OR11G2: variants seen among roughly 807,000 people sequenced by gnomAD.
OR11G2 encodes the protein olfactory receptor family 11 subfamily G member 2.
A neutral mutation model predicts 0.9 loss-of-function variants in OR11G2; 2 were observed. That is an observed-to-expected ratio of 2.35 (90% CI 0.96 to 7.38). OR11G2 has a LOEUF of 7.38. Among genes scored for constraint, OR11G2 ranks in the 30% most tolerant of loss-of-function variants. The pLI is 0.05. For synonymous variants in OR11G2, 153 were observed against 142.0 expected, an observed-to-expected ratio of 1.08 and a Z score of -0.55; for missense variants, 395 against 371.3, an observed-to-expected ratio of 1.06 and a Z score of -0.52.
At chr14:20,194,249 T>C (rs1055122453) in intron 1 of OR11G2, among the ~76,000 whole-genome samples, 3 of 152,130 alleles carry the variant, frequency 2.0e-5, no homozygotes, top group Non-Finnish European at 4.4e-5. Context: ...GGCTGTGGCA[T>C]GGAAAACAAG....
Position 20,199,045 on chromosome 14 carries a change from T to A in OR11G2, c.*672T>A, listed in dbSNP as rs1265509862. The A allele has an allele frequency of 6.6e-6, 1 of 152,248 alleles. No homozygotes were observed. Among genetic ancestry groups the A allele is most frequent in the Admixed American group, 6.5e-5 (1 of 15,278 alleles). 9.4% of individuals were successfully genotyped at this position (152,248 alleles called of 1,614,324 possible). The stretch of plus-strand genomic sequence containing the variant: ...ATCTGTGCTCGTTTTAGTTTTACTC[T>A]TAGGGTGTGGCTCTTACTGCAGGAA... On this transcript the variant is annotated 3_prime_UTR_variant, in exon 2 of 2. Transcript: ENST00000641879.
Position 20,197,949 on chromosome 14 carries a change from C to T in OR11G2, c.512C>T (p.Ser171Phe), listed in dbSNP as rs775439549. Residue 171 changes from serine to phenylalanine, a missense_variant, in exon 2 of 2, where the codon TCC becomes TTC. Ser to Phe is a radical substitution (Grantham distance 155). Coordinates refer to ENST00000641879, the MANE Select transcript of OR11G2 (RefSeq NM_001386033.1). ...CCTATCGTCAACATCTCCCAAATGT[C>T]CTTCTGTGGATCTAGGATTATTGAC... ...LIPIVNISQMSFCGSRIIDHF... is the reference protein window; with the variant it reads ...LIPIVNISQMFFCGSRIIDHF... 3.3e-5 allele frequency: 53 copies of T among 1,613,986 alleles called. No individual in the cohort carries two copies. Among genetic ancestry groups the T allele is most frequent in the Non-Finnish European group, 4.3e-5 (51 of 1,180,016 alleles).
chr14:20,197,793 T>G lies in OR11G2; in HGVS notation c.356T>G (p.Leu119Arg). 1 of 1,614,094 alleles carries G rather than the reference T, an allele frequency of 6.2e-7. No homozygotes were observed. Among genetic ancestry groups the G allele is most frequent in the Non-Finnish European group, 8.5e-7 (1 of 1,179,978 alleles). Residue 119 changes from leucine to arginine, a missense_variant, in exon 2 of 2, where the codon CTG (leucine) becomes CGG (arginine). Physicochemically the swap from Leu to Arg is moderately radical, Grantham distance 102. Coordinates refer to ENST00000641879, the MANE Select transcript of OR11G2 (RefSeq NM_001386033.1). ...TTGGGCTCTACAGAATGCTTTTTCC[T>G]GGCAGTTATGGCATTTGATCGATAC... ...FSLGSTECFF[L>R]AVMAFDRYLA...
chr14:20,200,199 C>G lies in OR11G2; in HGVS notation c.*1826C>G, dbSNP rs769249355. On this transcript the variant is annotated 3_prime_UTR_variant, in exon 2 of 2. Coordinates refer to ENST00000641879, the MANE Select transcript of OR11G2 (RefSeq NM_001386033.1). Reference sequence around the variant, plus strand: ...AAGTTCCTATCCACCACCCTTTTAACTAGCCCAAGTTCCCTTTGCTTTGAA... The same window carrying G: ...AAGTTCCTATCCACCACCCTTTTAAGTAGCCCAAGTTCCCTTTGCTTTGAA... The G allele has an allele frequency of 6.9e-6, 1 of 144,420 alleles. No homozygotes were observed. The highest frequency in any genetic ancestry group is 1.5e-5 in the Non-Finnish European group (1 of 65,834). The allele number at this position is 144,420 out of a possible 1,614,324, so 8.9% of individuals were successfully genotyped here.
In OR11G2 at chr14:20,198,319, T is replaced by C; in HGVS notation, c.882T>C (p.Tyr294=). 1.0e-5 allele frequency: 16 copies of C among 1,601,792 alleles called. No homozygotes were observed. Among genetic ancestry groups the C allele is most frequent in the Non-Finnish European group, 1.4e-5 (16 of 1,176,596 alleles). The change falls in exon 2 of 2, where the codon TAT becomes TAC. Residue 294 remains tyrosine, a synonymous_variant. Coordinates refer to ENST00000641879, the MANE Select transcript of OR11G2 (RefSeq NM_001386033.1). Reference sequence around the variant, plus strand: ...CCCCACTGCTTAACCCTGTGATATATAGTCTTAGGAACAAAGATATGAGAA... The same window carrying C: ...CCCCACTGCTTAACCCTGTGATATACAGTCTTAGGAACAAAGATATGAGAA... ...VVTPLLNPVI[Y]SLRNKDMRKA...
chr14:20,200,792 T>C lies in OR11G2; in HGVS notation c.*2419T>C, dbSNP rs1471291713. On this transcript the variant is annotated 3_prime_UTR_variant, in exon 2 of 2. Coordinates refer to ENST00000641879, the MANE Select transcript of OR11G2 (RefSeq NM_001386033.1). Reference sequence around the variant, plus strand: ...AAATGAGCTATGGTGAGTTATACCATGGAATATTATGTCTTCAATTTATAA... The same window carrying C: ...AAATGAGCTATGGTGAGTTATACCACGGAATATTATGTCTTCAATTTATAA... The C allele has an allele frequency of 2.0e-5, 3 of 152,244 alleles. No homozygotes were observed. The highest frequency in any genetic ancestry group is 7.2e-5 in the African/African-American group (3 of 41,470). The allele number at this position is 152,244 out of a possible 1,614,324, so 9.4% of individuals were successfully genotyped here.
intron 1 of OR11G2, among the ~76,000 whole-genome samples, chr14:20,196,335 G>A (rs370459284): frequency 1.4e-4 from 21 of 152,296 alleles, no homozygotes; most frequent in African/African-American, 4.8e-4. Flanking sequence ...AAAACTTCCT[G>A]GGTCCCTGTG....
At chr14:20,193,951 G>A (rs1449129669) in intron 1 of OR11G2, among the ~76,000 whole-genome samples, 5 of 152,138 alleles carry the variant, frequency 3.3e-5, no homozygotes, top group African/African-American at 1.2e-4. Flanking sequence ...CCCTCTGCTT[G>A]CGAGTGTTTT....
In OR11G2 at chr14:20,197,412, C is replaced by T. The variant is rs763281429; in HGVS notation, c.-4-22C>T. 18 of 1,611,986 alleles carry T rather than the reference C, an allele frequency of 1.1e-5. No individual in the cohort carries two copies. The South Asian group carries it at 1.9e-4, about 17-fold the overall frequency. On this transcript the variant is annotated intron_variant, in intron 1 of 1. Coordinates refer to ENST00000641879, the MANE Select transcript of OR11G2 (RefSeq NM_001386033.1). ...TGTTTGCACCGTCATTCAGTAATTG[C>T]TGGTGCTTTTACAATTCACAGGCAC...
rs2139112800 is a variant in OR11G2 at position 20,197,537 on chromosome 14, C to A, written c.100C>A (p.Leu34Ile). 2 of 1,614,066 alleles carry A rather than the reference C, an allele frequency of 1.2e-6. No individual in the cohort carries two copies. Among genetic ancestry groups the A allele is most frequent in the Non-Finnish European group, 1.7e-6 (2 of 1,179,966 alleles). ...GGAGGGGCAGATCCTCCTCTTTGTGCTCTTCACTGTTGTTTACCTCCTGAC... is the reference window on the plus strand; with the variant it reads ...GGAGGGGCAGATCCTCCTCTTTGTGATCTTCACTGTTGTTTACCTCCTGAC... ...PREGQILLFVLFTVVYLLTLM... is the reference protein window; with the variant it reads ...PREGQILLFVIFTVVYLLTLM... Residue 34 changes from leucine to isoleucine, a missense_variant, in exon 2 of 2, where the codon CTC becomes ATC. Leu to Ile is a conservative substitution (Grantham distance 5, BLOSUM62 2). Transcript: ENST00000641879.
At chr14:20,196,093 T>G (rs1879746583) in intron 1 of OR11G2, among the ~76,000 whole-genome samples, 1 of 152,212 alleles carries the variant, frequency 6.6e-6, no homozygotes, top group Non-Finnish European at 1.5e-5. Context: ...TATAGATTCC[T>G]CTGGTGCCAT....
At position 20,198,464 on chromosome 14, in the gene OR11G2, T is replaced by C. The variant is rs2318887; in HGVS notation, c.*91T>C. 486,833 of 910,530 alleles carry C rather than the reference T, an allele frequency of 0.53. 132,346 individuals carry two copies. The highest frequency in any genetic ancestry group is 0.64 in the East Asian group (26,229 of 40,888). 56.4% of individuals were successfully genotyped at this position (910,530 alleles called of 1,614,324 possible). A position where few individuals can be genotyped will look rare whatever the true frequency, so the allele number is the denominator to read the frequency against. ...CTGGTCTTGGCCAGGCGCGGTGGCT[T>C]ACGCCTGTAATCCCAGCACTTTGGG... On this transcript the variant is annotated 3_prime_UTR_variant, in exon 2 of 2. Transcript: ENST00000641879.
Position 20,197,832 on chromosome 14 carries a change from G to T in OR11G2, c.395G>T (p.Arg132Leu), listed in dbSNP as rs760576322. 3.1e-6 allele frequency: 5 copies of T among 1,613,752 alleles called. No homozygotes were observed. In the African/African-American group the frequency reaches 5.3e-5, roughly 17 times the overall value. ...TTTGATCGATACCTTGCCATCTGTCGGCCTCTACGCTATCCAACCATTATG... is the reference window on the plus strand; with the variant it reads ...TTTGATCGATACCTTGCCATCTGTCTGCCTCTACGCTATCCAACCATTATG... ...MAFDRYLAIC[R>L]PLRYPTIMTR... The change falls in exon 2 of 2, where the codon CGG becomes CTG. Residue 132 changes from arginine to leucine, a missense_variant. Physicochemically the swap from Arg to Leu is moderately radical, Grantham distance 102. Coordinates refer to ENST00000641879, the MANE Select transcript of OR11G2 (RefSeq NM_001386033.1).
Position 20,197,823 on chromosome 14 carries a change from C to G in OR11G2, c.386C>G (p.Ala129Gly), listed in dbSNP as rs767601230. 1.2e-5 allele frequency: 20 copies of G among 1,613,942 alleles called. No homozygotes were observed. The highest frequency in any genetic ancestry group is 1.4e-5 in the Non-Finnish European group (17 of 1,180,000). The change falls in exon 2 of 2, where the codon GCC (alanine) becomes GGC (glycine). Residue 129 changes from alanine (A) to glycine (G), a missense_variant. Physicochemically the swap from Ala to Gly is moderately conservative, Grantham distance 60. Transcript: ENST00000641879. ...GTTATGGCATTTGATCGATACCTTG[C>G]CATCTGTCGGCCTCTACGCTATCCA... ...LAVMAFDRYL[A>G]ICRPLRYPTI...
At chr14:20,196,220 G>A (rs1461522891) in intron 1 of OR11G2, among the ~76,000 whole-genome samples, 9 of 152,202 alleles carry the variant, frequency 5.9e-5, no homozygotes, top group Non-Finnish European at 1.0e-4. Flanking sequence ...ATAATAGGGG[G>A]AAGACAGAGA....
chr14:20,195,462 C>A (rs1185937621), intron 1 of OR11G2, among the ~76,000 whole-genome samples: 2 of 152,186 alleles, frequency 1.3e-5, no homozygotes, highest in African/African-American at 2.4e-5. Flanking sequence ...ATTGCTTGAA[C>A]CCAGGAGGCG....
Position 20,197,644 on chromosome 14 carries a change from C to T in OR11G2, c.207C>T (p.Asn69=), listed in dbSNP as rs2139113349. ...CCCCCATGTACATCCTGCTCGCCAA[C>T]TTCTCCTTCTTGGAGATATGTTATG... is the stretch of plus-strand genomic sequence containing the variant. ...LHAPMYILLA[N]FSFLEICYVT... The change falls in exon 2 of 2, where the codon AAC becomes AAT. Residue 69 remains asparagine, a synonymous_variant. Coordinates refer to ENST00000641879, the MANE Select transcript of OR11G2 (RefSeq NM_001386033.1). 2 of 1,614,126 alleles carry T rather than the reference C, an allele frequency of 1.2e-6. No homozygotes were observed. The highest frequency in any genetic ancestry group is 1.7e-6 in the Non-Finnish European group (2 of 1,179,996).
In OR11G2 at chr14:20,198,112, C is replaced by T. The variant is rs761657189; in HGVS notation, c.675C>T (p.Val225=). ...TCATTGTGGGGTCCTATGCTCTGGTCGTGAGAGCTGTGTTGAGGGTCCCTT... is the reference window on the plus strand; with the variant it reads ...TCATTGTGGGGTCCTATGCTCTGGTTGTGAGAGCTGTGTTGAGGGTCCCTT... The part of the protein sequence containing the change: ...FLFIVGSYAL[V]VRAVLRVPSA... The change falls in exon 2 of 2, where the codon GTC becomes GTT. Residue 225 remains valine, a synonymous_variant. Coordinates refer to ENST00000641879, the MANE Select transcript of OR11G2 (RefSeq NM_001386033.1). The T allele has an allele frequency of 3.1e-6, 5 of 1,613,938 alleles. No homozygotes were observed. The highest frequency in any genetic ancestry group is 3.4e-6 in the Non-Finnish European group (4 of 1,180,026).
rs1350312612 is a variant in OR11G2 at position 20,191,635 on chromosome 14, G to C, written c.-36G>C. 6.6e-6 allele frequency: 1 copy of C among 152,250 alleles called. No homozygotes were observed. Among genetic ancestry groups the C allele is most frequent in the African/African-American group, 2.4e-5 (1 of 41,458 alleles). The allele number at this position is 152,250 out of a possible 1,614,324, so 9.4% of individuals were successfully genotyped here. A position where few individuals can be genotyped will look rare whatever the true frequency, so the allele number is the denominator to read the frequency against. ...CCTGTGCCAGGTAAACACTGCTGCT[G>C]CTCTCTGTACAGAGGAGCTAGGTAA... On this transcript the variant is annotated 5_prime_UTR_variant, in exon 1 of 2. Coordinates refer to ENST00000641879, the MANE Select transcript of OR11G2 (RefSeq NM_001386033.1).
Sources: allele counts gnomAD v4.1 joint callset (sites outside exome capture counted in the v4.1 genomes callset), GRCh38; gene constraint gnomAD v4.1.1; transcripts MANE v1.5; gene names NCBI Gene and HGNC (gene_info 2026-07-23, HGNC 2026-07-21).